The following MAPK8 variants were observed in gnomAD, a reference collection of about 807,000 sequenced individuals.
MAPK8 encodes the protein mitogen-activated protein kinase 8, also known as JUN N-terminal kinase.
In MAPK8, 13 loss-of-function variants were observed where a neutral mutation model predicts 52.9. The ratio of observed to expected loss-of-function variants is 0.25; its 90% CI spans 0.16 to 0.39. The LOEUF is 0.39. Among genes scored for constraint, MAPK8 ranks in the 10% least tolerant of loss-of-function variants. MAPK8 has a pLI of 1.00. For missense variants in MAPK8, 300 were observed against 519.2 expected (o/e 0.58, Z 4.10); for synonymous variants, 191 against 169.8 (o/e 1.12, Z -0.97).
rs73296750 is a variant in MAPK8 at position 48,362,176 on chromosome 10, T to G, written c.-49-39436T>G. 3.5e-3 allele frequency among the ~76,000 whole-genome samples: 531 copies of G among 152,256 alleles called. 5 individuals are homozygous for G. Among genetic ancestry groups the G allele is most frequent in the African/African-American group, 0.012 (518 of 41,564 alleles). On this transcript the variant is annotated intron_variant, in intron 1 of 11. Transcript: ENST00000374189. ...GAATATTTTTCTTTGACAGTTGCTGTTTTTGCCTCTGTTCTTTCCTCTCAC... is the reference window on the plus strand; with the variant it reads ...GAATATTTTTCTTTGACAGTTGCTGGTTTTGCCTCTGTTCTTTCCTCTCAC...
chr10:48,362,159 T>G (rs1847590883), intron 1 of MAPK8, among the ~76,000 whole-genome samples: 1 of 152,214 alleles, frequency 6.6e-6, no homozygotes, highest in Non-Finnish European at 1.5e-5. Context: ...TGGAATATTT[T>G]TCTTTGACAG....
At chr10:48,362,909 T>A (rs946580541) in intron 1 of MAPK8, among the ~76,000 whole-genome samples, 3 of 151,106 alleles carry the variant, frequency 2.0e-5, no homozygotes, top group Non-Finnish European at 1.5e-5. Flanking sequence ...CCCAGCTGAT[T>A]TTTGTATTTT....
chr10:48,435,052 G>A lies in MAPK8; in HGVS notation c.*23G>A. On this transcript the variant is annotated 3_prime_UTR_variant, in exon 12 of 12. Transcript: ENST00000374189. Reference sequence around the variant, plus strand: ...TGACTACTTGGGCCATCGGGGGGTGGGAGGGATGGGGAGTCGGTTAGTCAT... The same window carrying A: ...TGACTACTTGGGCCATCGGGGGGTGAGAGGGATGGGGAGTCGGTTAGTCAT... 5.7e-6 allele frequency: 8 copies of A among 1,412,446 alleles called. No homozygotes were observed. Among genetic ancestry groups the A allele is most frequent in the Admixed American group, 2.0e-5 (1 of 49,140 alleles). The allele number at this position is 1,412,446 out of a possible 1,614,324, so 87.5% of individuals were successfully genotyped here.
At chr10:48,342,847 G>A (rs758989954) in intron 1 of MAPK8, among the ~76,000 whole-genome samples, 7 of 152,162 alleles carry the variant, frequency 4.6e-5, no homozygotes, top group Non-Finnish European at 1.0e-4. Context: ...TGAAATCAGA[G>A]GAGAGATCAG....
At chr10:48,384,321 AGTT>A (rs1026821799) in intron 1 of MAPK8, among the ~76,000 whole-genome samples, 1 of 152,214 alleles carries the variant, frequency 6.6e-6, no homozygotes, top group African/African-American at 2.4e-5. Context: ...GCCAATGGTA[AGTT>A]TCTAGTGACT....
At chr10:48,404,712 A>C in intron 2 of MAPK8, 140 bp from the exon 3 acceptor site, 1 of 601,470 alleles carries the variant, frequency 1.7e-6, no homozygotes, top group Non-Finnish European at 2.9e-6. Context: ...TAGAAGACAC[A>C]TGTTGAGCGT....
chr10:48,352,079 C>A (rs1457353682), intron 1 of MAPK8, among the ~76,000 whole-genome samples: 7 of 152,144 alleles, frequency 4.6e-5, no homozygotes, highest in Non-Finnish European at 8.8e-5. Context: ...GAAAGTACAA[C>A]ATACTGCAAG....
intron 1 of MAPK8, among the ~76,000 whole-genome samples, chr10:48,388,344 CCTTTT>C (rs1484056430): frequency 2.0e-5 from 3 of 152,132 alleles, no homozygotes; most frequent in Admixed American, 6.6e-5. Context: ...TCATTATTTC[CCTTTT>C]CTTTTGCTTT....
In MAPK8 at chr10:48,336,697, TG is replaced by T. The variant is rs538984485; in HGVS notation, c.-50+29879del. Among the ~76,000 whole-genome samples, 275 of 152,286 alleles carry T rather than the reference TG, an allele frequency of 1.8e-3. 1 individual carries two copies. Among genetic ancestry groups the T allele is most frequent in the African/African-American group, 6.4e-3 (265 of 41,550 alleles). Reference sequence around the variant, plus strand: ...AATATAACCTATTGTGATAACCCTGTGGGTTGCTTAGCCCCTGGAAAACTGC... The same window carrying T: ...AATATAACCTATTGTGATAACCCTGTGGTTGCTTAGCCCCTGGAAAACTGC... On this transcript the variant is annotated intron_variant, in intron 1 of 11. Transcript: ENST00000374189.
At chr10:48,394,660 GC>G (rs1187597286) in intron 1 of MAPK8, among the ~76,000 whole-genome samples, 1 of 151,848 alleles carries the variant, frequency 6.6e-6, no homozygotes, top group Non-Finnish European at 1.5e-5. Flanking sequence ...AAGACTGAAT[GC>G]TTTCTCTCTT....
intron 1 of MAPK8, among the ~76,000 whole-genome samples, chr10:48,385,363 T>C (rs1040551117): frequency 6.6e-6 from 1 of 152,212 alleles, no homozygotes; most frequent in Non-Finnish European, 1.5e-5. Context: ...AAAAACAAGC[T>C]ATTTTTATTA....
intron 1 of MAPK8, among the ~76,000 whole-genome samples, chr10:48,379,883 T>A (rs973144276): frequency 6.7e-6 from 1 of 149,292 alleles, no homozygotes; most frequent in Non-Finnish European, 1.5e-5. Flanking sequence ...CAAAGTCCTT[T>A]CCACGAATTT....
At chr10:48,327,234 A>T (rs956597238) in intron 1 of MAPK8, among the ~76,000 whole-genome samples, 3 of 152,112 alleles carry the variant, frequency 2.0e-5, no homozygotes, top group East Asian at 1.9e-4. Flanking sequence ...AGATTTTTTT[A>T]AAAAATCAAA....
chr10:48,338,007 T>C, intron 1 of MAPK8, among the ~76,000 whole-genome samples: 1 of 152,160 alleles, frequency 6.6e-6, no homozygotes, highest in East Asian at 1.9e-4. Flanking sequence ...AGCCAGATTT[T>C]ACTAGATGTT....
At chr10:48,377,356 A>G (rs1392434031) in intron 1 of MAPK8, among the ~76,000 whole-genome samples, 1 of 57,210 alleles carries the variant, frequency 1.7e-5, no homozygotes, top group Non-Finnish European at 3.5e-5. Flanking sequence ...CTTAAAGTAT[A>G]ATTTAAAAAA....
chr10:48,359,731 T>A (rs1847344691), intron 1 of MAPK8, among the ~76,000 whole-genome samples: 1 of 152,172 alleles, frequency 6.6e-6, no homozygotes, highest in Non-Finnish European at 1.5e-5. Flanking sequence ...ATAAATTGGA[T>A]ACCTTCCTCA....
intron 1 of MAPK8, among the ~76,000 whole-genome samples, chr10:48,396,292 T>C (rs754374115): frequency 1.3e-5 from 2 of 152,064 alleles, no homozygotes; most frequent in African/African-American, 2.4e-5. Context: ...AGTAAAACAC[T>C]GAACAGACAC....
intron 1 of MAPK8, among the ~76,000 whole-genome samples, chr10:48,397,314 A>AT (rs920723689): frequency 6.0e-4 from 89 of 149,538 alleles, no homozygotes; most frequent in Admixed American, 4.5e-3. Flanking sequence ...ACTGTGGCAG[A>AT]TTTTTTTTTT....
At chr10:48,329,897 T>G (rs1843945006) in intron 1 of MAPK8, among the ~76,000 whole-genome samples, 1 of 152,212 alleles carries the variant, frequency 6.6e-6, no homozygotes, top group Admixed American at 6.5e-5. Context: ...TAATATTAAC[T>G]ACTGCTGATG....
Sources: gnomAD v4.1 joint callset for allele counts (sites outside exome capture counted in the v4.1 genomes callset) on GRCh38, gnomAD v4.1.1 for gene constraint, MANE v1.5 for transcripts, NCBI Gene and HGNC (gene_info 2026-07-23, HGNC 2026-07-21) for gene names.